Variants in GPD2 observed in about 807,000 individuals in gnomAD.
GPD2 encodes glycerol-3-phosphate dehydrogenase, mitochondrial.
In GPD2, 54 loss-of-function variants were observed where a neutral mutation model predicts 82.4. The ratio of observed to expected loss-of-function variants is 0.66; its 90% confidence interval spans 0.53 to 0.82. The LOEUF is 0.82. GPD2 is among the 40% of genes least tolerant of loss of function. GPD2 has a pLI of 0.00. For missense variants in GPD2, 748 were observed against 896.2 expected, an observed-to-expected ratio of 0.83 and a Z score of 2.11; for synonymous variants, 288 against 306.1, an observed-to-expected ratio of 0.94 and a Z score of 0.62.
chr2:156,574,788 GA>G (rs1687757866), intron 13 of GPD2, among the ~76,000 whole-genome samples: 1 of 151,794 alleles, frequency 6.6e-6, no homozygotes, highest in Non-Finnish European at 1.5e-5. Flanking sequence ...GGGTGTTGGG[GA>G]AAAAATACTT....
chr2:156,438,812 C>G (rs1682042137), intron 1 of GPD2, among the ~76,000 whole-genome samples: 1 of 152,158 alleles, frequency 6.6e-6, no homozygotes, highest in Non-Finnish European at 1.5e-5. Context: ...AATAGTTAAC[C>G]TCTTTTGAGA....
rs185947316 is a variant in GPD2 at position 156,528,633 on chromosome 2, C to T, written c.661+15137C>T. Among the ~76,000 whole-genome samples the T allele has an allele frequency of 8.9e-3, 1,259 of 141,600 alleles. 22 individuals carry two copies. Among genetic ancestry groups the T allele is most frequent in the African/African-American group, 0.031 (1,178 of 38,048 alleles). The allele number at this position is 141,600 out of a possible 152,430, so 92.9% of individuals were successfully genotyped here. A position where few individuals can be genotyped will look rare whatever the true frequency, so the allele number is the denominator to read the frequency against. On this transcript the variant is annotated intron_variant, in intron 6 of 16. Transcript: ENST00000438166. ...GCCCCAGAGTGTGATGTTCCCCTTC[C>T]TGTGTCCATGTGTTCTCATTGTTCA...
the GPD2 span, among the ~76,000 whole-genome samples, chr2:156,400,459 G>A: frequency 6.6e-6 from 1 of 152,182 alleles, no homozygotes. Flanking sequence ...GCAGGCATTG[G>A]GCACCCGGGA....
rs1024861025 is a variant in GPD2, at chr2:156,542,435, A to T, written c.662-7173A>T. Among the ~76,000 whole-genome samples, 3 of 152,204 alleles carry T rather than the reference A, an allele frequency of 2.0e-5. No homozygotes were observed. In the East Asian group the frequency reaches 5.8e-4, roughly 29 times the overall value. On this transcript the variant is annotated intron_variant, in intron 6 of 16. Transcript: ENST00000438166. ...GGATAGGTGACAGCAAATTACTCCA[A>T]TTCATAAACTTGGAATATTATGCTT...
At chr2:156,500,057 C>A (rs1317044811) in intron 3 of GPD2, among the ~76,000 whole-genome samples, 2 of 152,006 alleles carry the variant, frequency 1.3e-5, no homozygotes, top group African/African-American at 4.8e-5. Flanking sequence ...ATAAGGATGA[C>A]AATTTTGAAT....
At chr2:156,428,071 TCTCCAA>T in the GPD2 span, among the ~76,000 whole-genome samples, 6 of 152,262 alleles carry the variant, frequency 3.9e-5, no homozygotes, top group South Asian at 1.2e-3. Flanking sequence ...CTTAATCACA[TCTCCAA>T]CTCCCCCACT....
chr2:156,582,949 A>T lies in GPD2; in HGVS notation c.*31A>T, dbSNP rs760782656. ...GGCAGTAAATCCACAGCCAACAAAC[A>T]TAGAAACGACAAATCACCATGTAAC... On this transcript the variant is annotated 3_prime_UTR_variant, in exon 17 of 17. Coordinates refer to ENST00000438166, the MANE Select transcript of GPD2 (RefSeq NM_000408.5). 1.2e-6 allele frequency: 2 copies of T among 1,610,812 alleles called. No homozygotes were observed. Among genetic ancestry groups the T allele is most frequent in the Non-Finnish European group, 1.7e-6 (2 of 1,177,490 alleles).
intron 2 of GPD2, among the ~76,000 whole-genome samples, chr2:156,489,124 C>T (rs948731895): frequency 1.3e-5 from 2 of 152,112 alleles, no homozygotes; most frequent in African/African-American, 2.4e-5. Context: ...CATGTGTCTA[C>T]AGGGGATAGA....
chr2:156,451,423 AC>A (rs1234439248), intron 1 of GPD2, among the ~76,000 whole-genome samples: 4 of 109,032 alleles, frequency 3.7e-5, no homozygotes, highest in African/African-American at 7.0e-5. Flanking sequence ...CGGGGGGCTG[AC>A]CCCCCCACCT....
intron 9 of GPD2, among the ~76,000 whole-genome samples, chr2:156,561,516 A>G (rs1406776949): frequency 6.6e-6 from 1 of 152,058 alleles, no homozygotes; most frequent in Non-Finnish European, 1.5e-5. Context: ...AATTCATTTC[A>G]TGGAAGCTGC....
At chr2:156,401,418 ACT>A in the GPD2 span, among the ~76,000 whole-genome samples, 1 of 152,120 alleles carries the variant, frequency 6.6e-6, no homozygotes, top group Admixed American at 6.5e-5. Context: ...TTCTTCTGAA[ACT>A]CTCTTTGGTG....
chr2:156,530,134 C>G (rs1465519545), intron 6 of GPD2, among the ~76,000 whole-genome samples: 1 of 143,470 alleles, frequency 7.0e-6, no homozygotes, highest in East Asian at 2.1e-4. Flanking sequence ...GTTTGTAGTT[C>G]TCCTTGAAGA....
chr2:156,456,187 CAA>C (rs914016454), intron 1 of GPD2, among the ~76,000 whole-genome samples: 10 of 152,276 alleles, frequency 6.6e-5, no homozygotes, highest in Non-Finnish European at 1.5e-4. Flanking sequence ...GAAATGCAAA[CAA>C]ATGTGATTTT....
chr2:156,582,832 CG>C lies in GPD2; in HGVS notation c.2100del (p.Ala702LeufsTer3), dbSNP rs756300138. The part of the protein sequence containing the change: ...AIQKGRVSGS[R>X]LAILMKTAEE... The stretch of plus-strand genomic sequence containing the variant: ...TCAAAAAGGAAGGGTATCTGGAAGC[CG>C]GCTTGCTATACTAATGAAAACTGCA... On this transcript the variant is annotated frameshift_variant, in exon 17 of 17. Transcript: ENST00000438166. LOFTEE classifies it high-confidence loss of function. The C allele has an allele frequency of 6.2e-7, 1 of 1,612,852 alleles. No individual in the cohort carries two copies. Among genetic ancestry groups the C allele is most frequent in the African/African-American group, 1.3e-5 (1 of 74,946 alleles).
chr2:156,501,434 T>G, intron 3 of GPD2, among the ~76,000 whole-genome samples: 1 of 152,196 alleles, frequency 6.6e-6, no homozygotes. Flanking sequence ...CTCTGTGACC[T>G]TCGACAAGTG....
At position 156,510,759 on chromosome 2, in the gene GPD2, T is replaced by G. The variant is rs138539805; in HGVS notation, c.275-37T>G. Reference sequence around the variant, plus strand: ...TTTAATGAATTACATACAAATTGTGTAATTTAAGAAGTTAATTTGGTTTTC... The same window carrying G: ...TTTAATGAATTACATACAAATTGTGGAATTTAAGAAGTTAATTTGGTTTTC... On this transcript the variant is annotated intron_variant, in intron 3 of 16. Coordinates refer to ENST00000438166, the MANE Select transcript of GPD2 (RefSeq NM_000408.5). The G allele has an allele frequency of 8.1e-4, 1,276 of 1,575,358 alleles. 20 individuals carry two copies. The Middle Eastern group carries it at 0.024, about 30-fold the overall frequency.
intron 6 of GPD2, among the ~76,000 whole-genome samples, chr2:156,537,086 G>C (rs1686110783): frequency 6.6e-6 from 1 of 152,210 alleles, no homozygotes; most frequent in African/African-American, 2.4e-5. Context: ...TCTTCTGTTT[G>C]ACGTCTACAG....
chr2:156,484,704 G>A (rs766611708), intron 2 of GPD2, among the ~76,000 whole-genome samples: 15 of 152,034 alleles, frequency 9.9e-5, no homozygotes, highest in African/African-American at 3.6e-4. Context: ...GCCGGGCATG[G>A]TGGTGGATGC....
intron 3 of GPD2, among the ~76,000 whole-genome samples, chr2:156,498,764 C>T (rs1232885022): frequency 6.6e-6 from 1 of 152,050 alleles, no homozygotes; most frequent in Non-Finnish European, 1.5e-5. Flanking sequence ...AAGGAGGTAA[C>T]TTGATGGTGT....
Sources: gnomAD v4.1 joint callset for allele counts (sites outside exome capture counted in the v4.1 genomes callset) on GRCh38, gnomAD v4.1.1 for gene constraint, MANE v1.5 for transcripts, NCBI Gene and HGNC (gene_info 2026-07-23, HGNC 2026-07-21) for gene names.